UNC13C: variants seen among roughly 807,000 people sequenced by gnomAD.
UNC13C encodes the protein protein unc-13 homolog C.
UNC13C carries 174 observed loss-of-function variants against 245.4 expected under a neutral mutation model. The ratio of observed to expected loss-of-function variants is 0.71; its 90% CI spans 0.63 to 0.80. The LOEUF is 0.80. Among genes scored for constraint, UNC13C ranks in the 30% least tolerant of loss-of-function variants. UNC13C has a pLI of 0.00. For synonymous variants in UNC13C, 992 were observed against 895.1 expected (o/e 1.11, Z -1.93); for missense variants, 2,829 against 2,602.9 (o/e 1.09, Z -1.89).
chr15:54,491,531 CAGTAT>C (rs1893703083), intron 19 of UNC13C, among the ~76,000 whole-genome samples: 1 of 152,022 alleles, frequency 6.6e-6, no homozygotes, highest in Admixed American at 6.6e-5. Context: ...ATGCATAAAT[CAGTAT>C]ATTTTTTCAG....
At chr15:53,973,642 T>G (rs2140936897), upstream of UNC13C, among the ~76,000 whole-genome samples, 1 of 151,948 alleles carries the variant, frequency 6.6e-6, no homozygotes, top group Non-Finnish European at 1.5e-5. Context: ...ATCCAAATGC[T>G]GTGTCTTTTA....
Position 54,444,417 on chromosome 15 carries a change from G to A in UNC13C, c.4933+29350G>A, listed in dbSNP as rs562630940. On this transcript the variant is annotated intron_variant, in intron 19 of 32. Coordinates refer to ENST00000260323, the MANE Select transcript of UNC13C (RefSeq NM_001080534.3). ...CTTTACTTTGAGTCTATATATGTCA[G>A]ATAACAGGAAAAGTGATCTTTTGTA... Among the ~76,000 whole-genome samples, 276 of 151,594 alleles carry A rather than the reference G, an allele frequency of 1.8e-3. 3 individuals are homozygous for A. The highest frequency in any genetic ancestry group is 6.3e-3 in the African/African-American group (260 of 41,412).
intron 10 of UNC13C, among the ~76,000 whole-genome samples, chr15:54,271,080 C>T (rs1418335142): frequency 6.6e-6 from 1 of 152,018 alleles, no homozygotes; most frequent in African/African-American, 2.4e-5. Context: ...ATTTATCTTA[C>T]TTTAAAACAA....
At chr15:54,484,646 A>T (rs1893310483) in intron 19 of UNC13C, among the ~76,000 whole-genome samples, 1 of 152,210 alleles carries the variant, frequency 6.6e-6, no homozygotes, top group Non-Finnish European at 1.5e-5. Context: ...ATGACCTATC[A>T]CTTGGGCCCA....
intron 4 of UNC13C, among the ~76,000 whole-genome samples, chr15:54,231,196 A>G (rs1322315933): frequency 6.6e-6 from 1 of 152,120 alleles, no homozygotes; most frequent in African/African-American, 2.4e-5. Flanking sequence ...AATGATGGCA[A>G]CATCCCTGGA....
At chr15:53,926,102 T>C in the UNC13C span, among the ~76,000 whole-genome samples, 1 of 151,554 alleles carries the variant, frequency 6.6e-6, no homozygotes, top group East Asian at 2.0e-4. Context: ...AACAAGATGA[T>C]TTAGTTTTTT....
rs1895414094 is a variant in UNC13C, at chr15:54,525,554, T to C, written c.5463T>C (p.Asp1821=). 1.2e-6 allele frequency: 2 copies of C among 1,611,762 alleles called. No homozygotes were observed. The highest frequency in any genetic ancestry group is 1.7e-6 in the Non-Finnish European group (2 of 1,178,802). Reference sequence around the variant, plus strand: ...TGTTTATGGTCTCTCTGCAGCTAGATTCTGAAGCTAGTACTATTCTAAAAG... The same window carrying C: ...TGTTTATGGTCTCTCTGCAGCTAGACTCTGAAGCTAGTACTATTCTAAAAG... ...MFESMGGKEL[D]SEASTILKEL... Residue 1821 remains aspartate, a synonymous_variant, in exon 25 of 33, where the codon GAT becomes GAC. Coordinates refer to ENST00000260323, the MANE Select transcript of UNC13C (RefSeq NM_001080534.3).
intron 19 of UNC13C, among the ~76,000 whole-genome samples, chr15:54,429,495 T>A (rs1433762417): frequency 6.6e-6 from 1 of 151,748 alleles, no homozygotes; most frequent in Non-Finnish European, 1.5e-5. Flanking sequence ...CATATAGTTA[T>A]ATTTAGCCTT....
At chr15:54,159,230 G>A (rs188503535) in intron 4 of UNC13C, among the ~76,000 whole-genome samples, 14 of 152,304 alleles carry the variant, frequency 9.2e-5, no homozygotes, top group African/African-American at 3.1e-4. Context: ...GAGTAAACAT[G>A]CTGATTCAAT....
the UNC13C span, among the ~76,000 whole-genome samples, chr15:53,880,136 T>A: frequency 6.6e-6 from 1 of 152,262 alleles, no homozygotes; most frequent in Non-Finnish European, 1.5e-5. Context: ...CATTATTAAA[T>A]GGCTAGGAAG....
chr15:54,422,084 C>G (rs1043627194), intron 19 of UNC13C, among the ~76,000 whole-genome samples: 1 of 151,976 alleles, frequency 6.6e-6, no homozygotes, highest in African/African-American at 2.4e-5. Context: ...CACCCAAACC[C>G]TATTCCTCTC....
intron 17 of UNC13C, among the ~76,000 whole-genome samples, chr15:54,364,621 AC>A (rs1303943199): frequency 2.6e-5 from 4 of 152,174 alleles, no homozygotes; most frequent in African/African-American, 9.7e-5. Context: ...CACTGTAGTG[AC>A]TTTTTTGTTG....
intron 13 of UNC13C, among the ~76,000 whole-genome samples, chr15:54,301,931 C>T (rs1400320211): frequency 2.0e-5 from 3 of 152,120 alleles, no homozygotes; most frequent in Non-Finnish European, 2.9e-5. Flanking sequence ...CCTATTTCTC[C>T]ACATCCTCTC....
intron 7 of UNC13C, among the ~76,000 whole-genome samples, chr15:54,242,332 T>G (rs1377109542): frequency 1.3e-5 from 2 of 152,194 alleles, no homozygotes; most frequent in African/African-American, 4.8e-5. Flanking sequence ...AATATAGTGA[T>G]TATGTTCCCT....
chr15:53,896,811 T>C, the UNC13C span, among the ~76,000 whole-genome samples: 1 of 152,148 alleles, frequency 6.6e-6, no homozygotes, highest in Non-Finnish European at 1.5e-5. Flanking sequence ...TGGCATCATC[T>C]TCCATTAGCA....
chr15:54,486,305 C>T (rs186523112), intron 19 of UNC13C, among the ~76,000 whole-genome samples: 19 of 137,028 alleles, frequency 1.4e-4, no homozygotes, highest in African/African-American at 2.1e-4. Context: ...AGTGTGGTGG[C>T]GGGCGCTTGT....
chr15:54,523,279 A>T (rs1390040904), intron 24 of UNC13C, among the ~76,000 whole-genome samples: 2 of 152,206 alleles, frequency 1.3e-5, no homozygotes, highest in African/African-American at 4.8e-5. Flanking sequence ...ATTGAAAAAG[A>T]TCTGCAATTT....
intron 2 of UNC13C, chr15:54,044,472 C>T (rs569957937): frequency 7.0e-6 from 2 of 286,646 alleles, no homozygotes; most frequent in Non-Finnish European, 7.2e-6. Context: ...TTCAGTGGAA[C>T]TCTTTGTTTA....
chr15:54,362,454 C>G (rs1036727601), intron 17 of UNC13C, among the ~76,000 whole-genome samples: 1 of 152,156 alleles, frequency 6.6e-6, no homozygotes, highest in African/African-American at 2.4e-5. Context: ...TTCATTACTC[C>G]CCTGAATTCA....
Sources: allele counts gnomAD v4.1 joint callset (sites outside exome capture counted in the v4.1 genomes callset), GRCh38; gene constraint gnomAD v4.1.1; transcripts MANE v1.5; gene names NCBI Gene and HGNC (gene_info 2026-07-23, HGNC 2026-07-21).